MAN2B1: variants seen among roughly 807,000 people sequenced by gnomAD.
MAN2B1 encodes the protein lysosomal alpha-mannosidase.
MAN2B1 carries 99 observed loss-of-function variants against 127.5 expected under a neutral mutation model. The ratio of observed to expected loss-of-function variants is 0.78; its 90% CI spans 0.66 to 0.92. MAN2B1 has a LOEUF of 0.92. MAN2B1 is among the 40% of genes least tolerant of loss of function. The probability of loss-of-function intolerance (pLI) is 0.00; values close to 1 mark genes in which losing one functional copy is unlikely to be tolerated. For missense variants in MAN2B1, 1,304 were observed against 1,384.8 expected, an observed-to-expected ratio of 0.94 and a Z score of 0.93; for synonymous variants, 573 against 568.8, an observed-to-expected ratio of 1.01 and a Z score of -0.11.
In MAN2B1 at chr19:12,652,446, C is replaced by T. The variant is rs369071579; in HGVS notation, c.1845G>A (p.Thr615=). ...LTIENEHIRA[T]FDPDTGLLME... ...TCAACAGCCCTGTGTCAGGATCAAA[C>T]GTTGCCCGGATGTGCTGGGCAGAAA... The change falls in exon 15 of 24, where the codon ACG becomes ACA. Residue 615 remains threonine, a synonymous_variant. Transcript: ENST00000456935. 128 of 1,613,896 alleles carry T rather than the reference C, an allele frequency of 7.9e-5. No individual in the cohort carries two copies. The highest frequency in any genetic ancestry group is 1.0e-4 in the Non-Finnish European group (118 of 1,179,972).
At chr19:12,661,411 T>A (rs2024103359) in intron 6 of MAN2B1, 35 bp from the exon 7 acceptor site, 1 of 1,338,100 alleles carries the variant, frequency 7.5e-7, no homozygotes, top group Non-Finnish European at 1.1e-6. Context: ...AGCCAGAGGA[T>A]CCTGGGCCAT....
At position 12,647,768 on chromosome 19, in the gene MAN2B1, C is replaced by T. The variant is rs2023729099; in HGVS notation, c.2665-170G>A. ...CAGGGCCGTGACAGGGAGGACTGAG[C>T]CAATGGGGAGATGGGTCGGTCCCAA... On this transcript the variant is annotated intron_variant, in intron 21 of 23. Transcript: ENST00000456935. The surrounding 1 kb of genome is among the most constrained non-coding windows in gnomAD (Gnocchi z 4.9). 4.8e-6 allele frequency: 3 copies of T among 625,218 alleles called. No homozygotes were observed. The highest frequency in any genetic ancestry group is 3.7e-5 in the African/African-American group (2 of 54,328). 38.7% of individuals were successfully genotyped at this position (625,218 alleles called of 1,614,324 possible).
intron 7 of MAN2B1, chr19:12,658,828 T>C (rs908873453): frequency 5.1e-6 from 2 of 393,844 alleles, no homozygotes; most frequent in Non-Finnish European, 9.6e-6. Flanking sequence ...AATAATCGTT[T>C]TGCAGGACTG....
In MAN2B1 at chr19:12,647,785, CG is replaced by C; in HGVS notation, c.2665-188del. On this transcript the variant is annotated intron_variant, in intron 21 of 23. Coordinates refer to ENST00000456935, the MANE Select transcript of MAN2B1 (RefSeq NM_000528.4). This position sits in a 1 kb window ranked among gnomAD's most constrained non-coding sequence, Gnocchi z 4.9. ...GGACTGAGCCAATGGGGAGATGGGTCGGTCCCAAGCTTAGGGTTCGAGTCCC... is the reference window on the plus strand; with the variant it reads ...GGACTGAGCCAATGGGGAGATGGGTCGTCCCAAGCTTAGGGTTCGAGTCCC... The C allele has an allele frequency of 1.6e-6, 1 of 610,518 alleles. No individual in the cohort carries two copies. The highest frequency in any genetic ancestry group is 2.9e-6 in the Non-Finnish European group (1 of 346,426). The allele number at this position is 610,518 out of a possible 1,614,324, so 37.8% of individuals were successfully genotyped here.
chr19:12,653,144 G>GTT (rs74180093), intron 14 of MAN2B1, among the ~76,000 whole-genome samples: 5 of 115,386 alleles, frequency 4.3e-5, no homozygotes, highest in Admixed American at 1.7e-4. Flanking sequence ...TGGGTTTTTT[G>GTT]TTTTTTTTTT....
At chr19:12,658,868 T>C (rs1319019518) in intron 7 of MAN2B1, 1 of 346,328 alleles carries the variant, frequency 2.9e-6, no homozygotes, top group Non-Finnish European at 5.6e-6. Context: ...CACAACTTTT[T>C]TTTTTTGGGA....
At chr19:12,662,330 T>A (rs1175907569) in intron 6 of MAN2B1, among the ~76,000 whole-genome samples, 3 of 152,076 alleles carry the variant, frequency 2.0e-5, no homozygotes, top group Admixed American at 2.0e-4. Flanking sequence ...TAATGTTTTT[T>A]AATTATAAAA....
intron 14 of MAN2B1, among the ~76,000 whole-genome samples, chr19:12,653,151 T>G (rs540644725): frequency 4.0e-5 from 6 of 148,746 alleles, no homozygotes; most frequent in South Asian, 2.1e-4. Context: ...TTTGTTTTTT[T>G]TTTTTTTTTG....
In MAN2B1 at chr19:12,649,234, A is replaced by G; in HGVS notation, c.2356-18T>C. 2 of 1,612,832 alleles carry G rather than the reference A, an allele frequency of 1.2e-6. No homozygotes were observed. Among genetic ancestry groups the G allele is most frequent in the Non-Finnish European group, 1.7e-6 (2 of 1,179,112 alleles). On this transcript the variant is annotated intron_variant, in intron 19 of 23. Coordinates refer to ENST00000456935, the MANE Select transcript of MAN2B1 (RefSeq NM_000528.4). Reference sequence around the variant, plus strand: ...TTTCCATCCTGGGAGTTGAAGGGTGAAAGTAGAGGGCAGTCAACCCCAACC... The same window carrying G: ...TTTCCATCCTGGGAGTTGAAGGGTGGAAGTAGAGGGCAGTCAACCCCAACC...
At chr19:12,649,104 C>T in intron 20 of MAN2B1, 32 bp downstream of exon 20, 1 of 1,594,452 alleles carries the variant, frequency 6.3e-7, no homozygotes, top group Non-Finnish European at 8.6e-7. Flanking sequence ...GTTGGGAGGA[C>T]CCTGGCTCGG....
At position 12,652,536 on chromosome 19, in the gene MAN2B1, C is replaced by CTT. The variant is rs71168621; in HGVS notation, c.1831-78_1831-77dup. ...TTTCTTTTTTTAATTTTTCTTTTTT[C>CTT]TTTTTTTTTTTTTGAGACTGAGTCT... is the stretch of plus-strand genomic sequence containing the variant. On this transcript the variant is annotated intron_variant, in intron 14 of 23. Transcript: ENST00000456935. 0.037 allele frequency: 27,917 copies of CTT among 759,658 alleles called. 106 individuals carry two copies. Among genetic ancestry groups the CTT allele is most frequent in the African/African-American group, 0.071 (3,701 of 51,804 alleles). The allele number at this position is 759,658 out of a possible 1,614,324, so 47.1% of individuals were successfully genotyped here. A position where few individuals can be genotyped will look rare whatever the true frequency, so the allele number is the denominator to read the frequency against.
chr19:12,657,681 G>T, intron 10 of MAN2B1, 126 bp from the exon 11 acceptor site: 1 of 863,400 alleles, frequency 1.2e-6, no homozygotes, highest in Non-Finnish European at 1.9e-6. Context: ...GAGGACGGCT[G>T]GGGGCGGTGG....
At chr19:12,646,996 A>T (rs1444157558) in intron 23 of MAN2B1, 1 of 608,036 alleles carries the variant, frequency 1.6e-6, no homozygotes, top group East Asian at 2.7e-5. Flanking sequence ...CTAGACATGG[A>T]TGGGGATTTT....
chr19:12,659,758 G>A (rs993653711), intron 7 of MAN2B1, among the ~76,000 whole-genome samples: 3 of 152,056 alleles, frequency 2.0e-5, no homozygotes, highest in African/African-American at 7.2e-5. Flanking sequence ...GGCAGAGGTT[G>A]CCATGAGGCA....
At chr19:12,657,141 C>T in intron 11 of MAN2B1, 85 bp from the exon 12 acceptor site, 1 of 828,742 alleles carries the variant, frequency 1.2e-6, no homozygotes, top group Non-Finnish European at 2.0e-6. Flanking sequence ...CCGTTCCGGT[C>T]TCTGTCCCGC....
chr19:12,660,412 G>C (rs1274574790), intron 7 of MAN2B1, among the ~76,000 whole-genome samples: 1 of 152,196 alleles, frequency 6.6e-6, no homozygotes, highest in African/African-American at 2.4e-5. Flanking sequence ...TGAGACAGAA[G>C]AATCACTTGA....
intron 3 of MAN2B1, 36 bp from the exon 4 acceptor site, chr19:12,665,021 A>G: frequency 1.9e-6 from 3 of 1,591,676 alleles, no homozygotes; most frequent in Non-Finnish European, 2.6e-6. Flanking sequence ...GTCAGCGGTC[A>G]GAGCCAGGAG....
chr19:12,650,481 C>T lies in MAN2B1; in HGVS notation c.2047-259G>A, dbSNP rs1189963980. 6.9e-4 allele frequency among the ~76,000 whole-genome samples: 104 copies of T among 151,438 alleles called. 1 individual carries two copies. Among genetic ancestry groups the T allele is most frequent in the Non-Finnish European group, 7.8e-4 (53 of 67,908 alleles). ...TCACACCATTCTCCTGCCTCAGCCT[C>T]CCGAGTAGCTGGGACTACAGGCACC... On this transcript the variant is annotated intron_variant, in intron 16 of 23. Transcript: ENST00000456935.
In MAN2B1 at chr19:12,647,251, T is replaced by C. The variant is rs536242066; in HGVS notation, c.2905A>G (p.Lys969Glu). 5 of 1,614,022 alleles carry C rather than the reference T, an allele frequency of 3.1e-6. No homozygotes were observed. The highest frequency in any genetic ancestry group is 4.2e-6 in the Non-Finnish European group (5 of 1,179,918). ...NQLREAASRL[K>E]WTTNTGPTPH... The stretch of plus-strand genomic sequence containing the variant: ...GCCCCACCTGTGTTTGTTGTCCACT[T>C]GAGCCTGGAGGCTGCCTCGCGGAGC... The change falls in exon 23 of 24, where the codon AAG (lysine) becomes GAG (glutamate). Residue 969 changes from lysine to glutamate, a missense_variant. Physicochemically the swap from Lys to Glu is moderately conservative, Grantham distance 56. Coordinates refer to ENST00000456935, the MANE Select transcript of MAN2B1 (RefSeq NM_000528.4). This position sits in a 1 kb window ranked among gnomAD's most constrained non-coding sequence, Gnocchi z 4.9.
Sources: allele counts gnomAD v4.1 joint callset (sites outside exome capture counted in the v4.1 genomes callset), GRCh38; gene constraint gnomAD v4.1.1; non-coding constraint Gnocchi (gnomAD v3.1); transcripts MANE v1.5; gene names NCBI Gene and HGNC (gene_info 2026-07-23, HGNC 2026-07-21).